The following CCDC186 variants were observed in gnomAD, a reference collection of about 807,000 sequenced individuals.
CCDC186 encodes coiled-coil domain containing 186.
CCDC186 carries 49 observed loss-of-function variants against 113.7 expected under a neutral mutation model. The ratio of observed to expected loss-of-function variants is 0.43; its 90% CI spans 0.34 to 0.55. CCDC186 has a LOEUF of 0.55. CCDC186 is among the 20% of genes least tolerant of loss of function. The pLI is 0.02. For missense variants in CCDC186, 890 were observed against 1,011.1 expected (o/e 0.88, Z 1.62); for synonymous variants, 355 against 345.8 (o/e 1.03, Z -0.30).
intron 3 of CCDC186, 93 bp downstream of exon 3, chr10:114,157,461 C>T (rs369075631): frequency 2.8e-5 from 35 of 1,242,064 alleles, no homozygotes; most frequent in South Asian, 8.2e-5. Flanking sequence ...CAAAGTGCTA[C>T]GATTACAGGC....
chr10:114,166,602 T>C (rs1463450697), intron 1 of CCDC186, among the ~76,000 whole-genome samples: 3 of 152,220 alleles, frequency 2.0e-5, no homozygotes, highest in Admixed American at 6.5e-5. Context: ...TCTCATGCAA[T>C]ATGACAGTAA....
intron 3 of CCDC186, among the ~76,000 whole-genome samples, chr10:114,154,390 T>C (rs565661675): frequency 2.0e-5 from 3 of 151,916 alleles, no homozygotes; most frequent in Non-Finnish European, 2.9e-5. Context: ...ACTGACCTTA[T>C]AGAAATAAAA....
chr10:114,137,843 C>T (rs1356989544), intron 6 of CCDC186, among the ~76,000 whole-genome samples: 1 of 151,658 alleles, frequency 6.6e-6, no homozygotes, highest in Non-Finnish European at 1.5e-5. Flanking sequence ...TTGAGACCAG[C>T]CTGACCAACA....
At chr10:114,160,021 G>A (rs1245345748) in intron 2 of CCDC186, among the ~76,000 whole-genome samples, 2 of 152,166 alleles carry the variant, frequency 1.3e-5, no homozygotes, top group Non-Finnish European at 2.9e-5. Context: ...TGTAATCCCA[G>A]AACTTTGGGA....
intron 6 of CCDC186, among the ~76,000 whole-genome samples, chr10:114,141,418 G>A (rs560568920): frequency 6.6e-6 from 1 of 152,116 alleles, no homozygotes; most frequent in Non-Finnish European, 1.5e-5. Flanking sequence ...TTTTGTTAAG[G>A]CAGATTTATA....
intron 1 of CCDC186, among the ~76,000 whole-genome samples, chr10:114,170,567 C>T (rs1352787029): frequency 2.8e-4 from 42 of 152,144 alleles, no homozygotes. Context: ...AAGCAATCTT[C>T]TCACCTCAAC....
chr10:114,122,952 T>G lies in CCDC186; in HGVS notation c.*2191A>C, dbSNP rs935229592. Reference sequence around the variant, plus strand: ...TAGATGGTAGCACAAATATTAATACTGGAGTGTGCATTTTTGTCTAAAATG... The same window carrying G: ...TAGATGGTAGCACAAATATTAATACGGGAGTGTGCATTTTTGTCTAAAATG... On this transcript the variant is annotated 3_prime_UTR_variant, in exon 16 of 16. Coordinates refer to ENST00000369287, the MANE Select transcript of CCDC186 (RefSeq NM_018017.4). 1 of 152,222 alleles carries G rather than the reference T, an allele frequency of 6.6e-6. No homozygotes were observed. 9.4% of individuals were successfully genotyped at this position (152,222 alleles called of 1,614,324 possible).
chr10:114,145,677 G>T lies in CCDC186; in HGVS notation c.973C>A (p.Leu325Ile). 1 of 1,612,790 alleles carries T rather than the reference G, an allele frequency of 6.2e-7. No individual in the cohort carries two copies. Among genetic ancestry groups the T allele is most frequent in the Non-Finnish European group, 8.5e-7 (1 of 1,179,734 alleles). Reference protein sequence around the residue: ...YVRGEKESLDLRKEKETLEKK... With the variant: ...YVRGEKESLDIRKEKETLEKK... ...TCAAGTGTCTCTTTTTCCTTTCGAA[G>T]ATCTAAAGATTCCTTCTCACCTCTT... The change falls in exon 5 of 16, where the codon CTT (leucine) becomes ATT (isoleucine). Residue 325 changes from leucine to isoleucine, a missense_variant. By Grantham distance (5) the Leu-to-Ile change is conservative. Coordinates refer to ENST00000369287, the MANE Select transcript of CCDC186 (RefSeq NM_018017.4).
chr10:114,136,071 A>C, intron 8 of CCDC186, 77 bp downstream of exon 8: 2 of 1,500,206 alleles, frequency 1.3e-6, no homozygotes, highest in Non-Finnish European at 1.8e-6. Flanking sequence ...TTAAAAGTAG[A>C]TAGCAATAAG....
intron 1 of CCDC186, among the ~76,000 whole-genome samples, chr10:114,172,710 A>G (rs759499246): frequency 3.3e-5 from 5 of 152,256 alleles, no homozygotes; most frequent in Admixed American, 6.5e-5. Flanking sequence ...TCGTGATCTA[A>G]TATCTTCACT....
chr10:114,125,972 C>G lies in CCDC186; in HGVS notation c.2527G>C (p.Gly843Arg), dbSNP rs1330480437. The change falls in exon 15 of 16, where the codon GGA (glycine) becomes CGA (arginine). Residue 843 changes from glycine to arginine, a missense_variant. Transcript: ENST00000369287. The part of the protein sequence containing the change: ...SLYTSHPADN[G>R]LTLELSLEIN... ...TCCAAAGAGAGCTCCAATGTTAATCCATTGTCAGCTGGATGGGATGTATAT... is the reference window on the plus strand; with the variant it reads ...TCCAAAGAGAGCTCCAATGTTAATCGATTGTCAGCTGGATGGGATGTATAT... 6.8e-6 allele frequency: 11 copies of G among 1,614,008 alleles called. No individual in the cohort carries two copies. The highest frequency in any genetic ancestry group is 9.3e-6 in the Non-Finnish European group (11 of 1,179,954).
At chr10:114,173,918 C>G (rs188888176) in intron 1 of CCDC186, 97 bp downstream of exon 1, 138 of 418,176 alleles carry the variant, frequency 3.3e-4, no homozygotes, top group African/African-American at 2.3e-3. Flanking sequence ...CCCTCGCCCC[C>G]GCCACGGAAC....
At chr10:114,136,819 T>G (rs1001898523) in intron 7 of CCDC186, among the ~76,000 whole-genome samples, 6 of 152,196 alleles carry the variant, frequency 3.9e-5, no homozygotes, top group African/African-American at 1.4e-4. Flanking sequence ...TATAGAAATT[T>G]AATGAAACAA....
intron 1 of CCDC186, chr10:114,165,815 T>A: frequency 2.4e-6 from 2 of 837,428 alleles, no homozygotes; most frequent in Middle Eastern, 6.2e-4. Flanking sequence ...GCCATTGCAC[T>A]CCAGCCTGGG....
intron 6 of CCDC186, among the ~76,000 whole-genome samples, chr10:114,143,742 C>T (rs1437163820): frequency 2.6e-5 from 4 of 152,146 alleles, no homozygotes; most frequent in South Asian, 4.1e-4. Flanking sequence ...CGGTAATCCA[C>T]GATTATGATT....
intron 13 of CCDC186, among the ~76,000 whole-genome samples, chr10:114,129,246 T>C (rs995318552): frequency 6.6e-6 from 1 of 151,866 alleles, no homozygotes; most frequent in Non-Finnish European, 1.5e-5. Flanking sequence ...AAGATTGTGA[T>C]TGAGGCTGCA....
chr10:114,173,269 A>C, intron 1 of CCDC186: 1 of 454,094 alleles, frequency 2.2e-6, no homozygotes. Flanking sequence ...TTTTCCTCTA[A>C]ACAAAATCAA....
chr10:114,169,184 G>C (rs1278858672), intron 1 of CCDC186, among the ~76,000 whole-genome samples: 1 of 150,518 alleles, frequency 6.6e-6, no homozygotes, highest in Non-Finnish European at 1.5e-5. Flanking sequence ...AGAGAAATTT[G>C]GCTTCATTCA....
At chr10:114,172,736 T>G (rs1054157706) in intron 1 of CCDC186, among the ~76,000 whole-genome samples, 9 of 152,204 alleles carry the variant, frequency 5.9e-5, no homozygotes, top group Non-Finnish European at 2.9e-5. Context: ...AAAAATAACA[T>G]GAAAAGACCA....
Sources: gnomAD v4.1 joint callset for allele counts (sites outside exome capture counted in the v4.1 genomes callset) on GRCh38, gnomAD v4.1.1 for gene constraint, MANE v1.5 for transcripts, NCBI Gene and HGNC (gene_info 2026-07-23, HGNC 2026-07-21) for gene names.